The following ITGA1 variants were observed in gnomAD, a reference collection of about 807,000 sequenced individuals.
The protein encoded by ITGA1 is integrin subunit alpha 1.
Under a neutral mutation model 145.9 loss-of-function variants are expected in ITGA1, and 85 were observed. The ratio of observed to expected loss-of-function variants is 0.58; its 90% CI spans 0.49 to 0.70. ITGA1 has a LOEUF of 0.70. ITGA1 is among the 30% of genes least tolerant of loss of function. The pLI is 0.00. For synonymous variants in ITGA1, 520 were observed against 495.3 expected (o/e 1.05, Z -0.66); for missense variants, 1,351 against 1,418.7 (o/e 0.95, Z 0.77).
At chr5:52,850,215 T>C (rs1749408152) in intron 2 of ITGA1, among the ~76,000 whole-genome samples, 2 of 152,066 alleles carry the variant, frequency 1.3e-5, no homozygotes, top group Non-Finnish European at 2.9e-5. Flanking sequence ...TTGGTCAGGC[T>C]GGTCTTGAAT....
intron 1 of ITGA1, among the ~76,000 whole-genome samples, chr5:52,844,012 C>A (rs1262980961): frequency 1.3e-5 from 2 of 152,150 alleles, no homozygotes; most frequent in Non-Finnish European, 2.9e-5. Context: ...TTGCTTCTCC[C>A]TCTTTCTCAC....
At chr5:52,903,805 T>A (rs1019116999) in intron 11 of ITGA1, 13 of 152,230 alleles carry the variant, frequency 8.5e-5, no homozygotes, top group African/African-American at 1.4e-4. Context: ...GATATGGCTC[T>A]CTTCTCAAAA....
At chr5:52,805,726 T>C (rs1748578899) in intron 1 of ITGA1, among the ~76,000 whole-genome samples, 1 of 152,124 alleles carries the variant, frequency 6.6e-6, no homozygotes, top group South Asian at 2.1e-4. Flanking sequence ...CAGTTACTGC[T>C]AGCGGACCCC....
chr5:52,871,596 T>A (rs1369899920), intron 6 of ITGA1, among the ~76,000 whole-genome samples: 1 of 150,498 alleles, frequency 6.6e-6, no homozygotes, highest in Non-Finnish European at 1.5e-5. Flanking sequence ...AAGTAACTGT[T>A]ACCTCCAAAA....
chr5:52,848,976 G>A (rs919860143), intron 1 of ITGA1, among the ~76,000 whole-genome samples: 18 of 152,090 alleles, frequency 1.2e-4, no homozygotes, highest in South Asian at 4.1e-4. Context: ...CCAGTCTATC[G>A]TTGATGGACA....
intron 3 of ITGA1, among the ~76,000 whole-genome samples, chr5:52,862,953 T>C (rs1749631135): frequency 6.6e-6 from 1 of 152,224 alleles, no homozygotes; most frequent in Admixed American, 6.5e-5. Flanking sequence ...TTAATATCCT[T>C]GCCTGATAAT....
rs575667143 is a variant in ITGA1 at position 52,939,818 on chromosome 5, G to A, written c.3181-22G>A. 36 of 1,503,656 alleles carry A rather than the reference G, an allele frequency of 2.4e-5. No individual in the cohort carries two copies. In the East Asian group the frequency reaches 6.3e-4, roughly 26 times the overall value. 93.1% of individuals were successfully genotyped at this position (1,503,656 alleles called of 1,614,324 possible). ...GATAAAACGGCAAGAATACTGATAT[G>A]TATCTCTGGACATTTAAACAGGACT... is the stretch of plus-strand genomic sequence containing the variant. On this transcript the variant is annotated intron_variant, in intron 25 of 28. Transcript: ENST00000282588.
intron 1 of ITGA1, among the ~76,000 whole-genome samples, chr5:52,832,777 G>GTGTGTGTGTC (rs1554042240): frequency 0.043 from 4,704 of 109,582 alleles, 115 homozygotes; most frequent in Middle Eastern, 0.069. Flanking sequence ...GTGTGTGTGT[G>GTGTGTGTGTC]TGTGTGTGTG....
Position 52,956,571 on chromosome 5 carries a change from G to C in ITGA1, c.*4120G>C, listed in dbSNP as rs1318136366. ...AGCGGTGTTCTAAAGGGTTCACATA[G>C]TATAATGGAGGAGGGACAAAGCAGA... On this transcript the variant is annotated 3_prime_UTR_variant, in exon 29 of 29. Coordinates refer to ENST00000282588, the MANE Select transcript of ITGA1 (RefSeq NM_181501.2). 1 of 152,150 alleles carries C rather than the reference G, an allele frequency of 6.6e-6. No individual in the cohort carries two copies. The highest frequency in any genetic ancestry group is 1.5e-5 in the Non-Finnish European group (1 of 68,054). The allele number at this position is 152,150 out of a possible 1,614,324, so 9.4% of individuals were successfully genotyped here.
chr5:52,937,639 G>C (rs1452997781), intron 24 of ITGA1, 125 bp downstream of exon 24: 3 of 666,118 alleles, frequency 4.5e-6, no homozygotes, highest in Non-Finnish European at 8.1e-6. Context: ...GAGGTATTTA[G>C]ATAATTAAAA....
At chr5:52,879,117 G>C (rs868681897) in intron 6 of ITGA1, among the ~76,000 whole-genome samples, 1 of 152,082 alleles carries the variant, frequency 6.6e-6, no homozygotes, top group Non-Finnish European at 1.5e-5. Context: ...ACAAGGTCAA[G>C]GATAAGACCT....
At chr5:52,929,792 G>GT in intron 21 of ITGA1, 91 bp downstream of exon 21, 1 of 659,804 alleles carries the variant, frequency 1.5e-6, no homozygotes, top group Non-Finnish European at 2.6e-6. Flanking sequence ...CTCACTGACA[G>GT]TTTCTTCCAG....
intron 12 of ITGA1, 38 bp from the exon 13 acceptor site, chr5:52,908,857 CTGT>C (rs1424119117): frequency 6.2e-7 from 1 of 1,601,708 alleles, no homozygotes; most frequent in Non-Finnish European, 8.5e-7. Context: ...TTGAGAATTT[CTGT>C]TGTTCATTGG....
chr5:52,800,816 T>A (rs1748461550), intron 1 of ITGA1: 1 of 1,610,708 alleles, frequency 6.2e-7, no homozygotes, highest in Non-Finnish European at 8.5e-7. Context: ...GCGGCTGTGG[T>A]CATGCAGGAA....
At chr5:52,829,802 G>T (rs1272672486) in intron 1 of ITGA1, among the ~76,000 whole-genome samples, 1 of 151,960 alleles carries the variant, frequency 6.6e-6, no homozygotes, top group African/African-American at 2.4e-5. Flanking sequence ...CACATTCCTG[G>T]TTTTTTGTTT....
At chr5:52,793,757 C>T (rs1748286853) in intron 1 of ITGA1, among the ~76,000 whole-genome samples, 1 of 152,042 alleles carries the variant, frequency 6.6e-6, no homozygotes. Context: ...AATTGCTCCT[C>T]TGGCACCAAC....
chr5:52,905,636 A>G (rs1038085245), intron 11 of ITGA1, 127 bp from the exon 12 acceptor site: 1 of 798,466 alleles, frequency 1.3e-6, no homozygotes, highest in Non-Finnish European at 1.8e-6. Context: ...TGCATTGAAG[A>G]AAAAATATTA....
intron 28 of ITGA1, among the ~76,000 whole-genome samples, chr5:52,949,112 C>G (rs1002262647): frequency 6.6e-6 from 1 of 152,050 alleles, no homozygotes; most frequent in African/African-American, 2.4e-5. Flanking sequence ...CTGTCTTACC[C>G]GGTAGAAATA....
chr5:52,861,850 ACAGAGTGAGACC>A lies in ITGA1; in HGVS notation c.295+293_295+304del, dbSNP rs1367380852. Among the ~76,000 whole-genome samples the A allele has an allele frequency of 2.9e-5, 4 of 135,784 alleles. No individual in the cohort carries two copies. In the Admixed American group the frequency reaches 3.1e-4, roughly 11 times the overall value. 89.1% of individuals were successfully genotyped at this position (135,784 alleles called of 152,430 possible). On this transcript the variant is annotated intron_variant, in intron 3 of 28. Coordinates refer to ENST00000282588, the MANE Select transcript of ITGA1 (RefSeq NM_181501.2). ...GCGCCACTGCACTCCAGCCTGGGTG[ACAGAGTGAGACC>A]CTGTCTCAAAAAAAAAAAAAAAAAA... is the stretch of plus-strand genomic sequence containing the variant.
Sources: allele counts gnomAD v4.1 joint callset (sites outside exome capture counted in the v4.1 genomes callset), GRCh38; gene constraint gnomAD v4.1.1; transcripts MANE v1.5; gene names NCBI Gene and HGNC (gene_info 2026-07-23, HGNC 2026-07-21).